The following ARFIP1 variants were observed in gnomAD, a reference collection of about 807,000 sequenced individuals.
ARFIP1 encodes the protein ARF interacting protein 1, also known as arfaptin-1.
In ARFIP1, 24 loss-of-function variants were observed where a neutral mutation model predicts 42.5. The observed-to-expected ratio is 0.57, with a 90% CI of 0.41 to 0.80. The LOEUF (loss-of-function observed/expected upper bound fraction) is 0.80, where lower values mean the gene tolerates loss of function less well. Ranked by LOEUF, ARFIP1 falls within the 30% of genes least tolerant of loss-of-function variation. The pLI, the probability that ARFIP1 is intolerant of heterozygous loss-of-function variation, is 0.00. For missense variants in ARFIP1, 354 were observed against 434.0 expected (o/e 0.82, Z 1.64); for synonymous variants, 141 against 153.7 (o/e 0.92, Z 0.61).
chr4:152,876,270 A>G (rs1735321996), intron 5 of ARFIP1, among the ~76,000 whole-genome samples: 1 of 152,228 alleles, frequency 6.6e-6, no homozygotes, highest in African/African-American at 2.4e-5. Flanking sequence ...GATTTGTTAA[A>G]TGGCTCTGCC....
intron 1 of ARFIP1, among the ~76,000 whole-genome samples, chr4:152,792,433 G>A (rs185701902): frequency 1.2e-4 from 19 of 152,228 alleles, no homozygotes; most frequent in Admixed American, 5.9e-4. Context: ...TCATATTCCA[G>A]TATGATGTGC....
At chr4:152,791,363 A>AT (rs1731138381) in intron 1 of ARFIP1, among the ~76,000 whole-genome samples, 1 of 152,176 alleles carries the variant, frequency 6.6e-6, no homozygotes, top group Admixed American at 6.5e-5. Flanking sequence ...AAGCTTCTAT[A>AT]TTTTGGATAT....
intron 2 of ARFIP1, among the ~76,000 whole-genome samples, chr4:152,849,610 A>T (rs1262246277): frequency 6.6e-6 from 1 of 152,118 alleles, no homozygotes; most frequent in Admixed American, 6.6e-5. Flanking sequence ...TTCTTGTTAA[A>T]TATTGTTGAA....
At chr4:152,886,256 C>T (rs977504184) in intron 7 of ARFIP1, among the ~76,000 whole-genome samples, 3 of 151,996 alleles carry the variant, frequency 2.0e-5, no homozygotes, top group African/African-American at 7.2e-5. Flanking sequence ...TCTTTCTATC[C>T]TGATACAATC....
At chr4:152,828,681 C>G (rs1048676376) in intron 1 of ARFIP1, among the ~76,000 whole-genome samples, 9 of 152,326 alleles carry the variant, frequency 5.9e-5, no homozygotes, top group Non-Finnish European at 1.2e-4. Flanking sequence ...CTTGTCTTCT[C>G]AGTCCTTCAT....
intron 8 of ARFIP1, among the ~76,000 whole-genome samples, chr4:152,899,695 C>T (rs893811290): frequency 1.3e-5 from 2 of 152,120 alleles, no homozygotes; most frequent in Admixed American, 6.5e-5. Context: ...GCCTGCTAGT[C>T]GGTTTTTGCC....
intron 2 of ARFIP1, among the ~76,000 whole-genome samples, chr4:152,830,805 G>A (rs1467032199): frequency 6.6e-6 from 1 of 152,192 alleles, no homozygotes; most frequent in Admixed American, 6.5e-5. Context: ...ATTGCTGAAT[G>A]TCTCCAGGAG....
Position 152,829,650 on chromosome 4 carries a change from CCAAAAATTCAGCAG to C in ARFIP1, c.20_33del (p.Lys7ArgfsTer6), listed in dbSNP as rs1242433673. 1 of 1,611,224 alleles carries C rather than the reference CCAAAAATTCAGCAG, an allele frequency of 6.2e-7. No individual in the cohort carries two copies. The highest frequency in any genetic ancestry group is 8.5e-7 in the Non-Finnish European group (1 of 1,178,320). On this transcript the variant is annotated frameshift_variant, in exon 2 of 9. Transcript: ENST00000353617. LOFTEE classifies it high-confidence loss of function. ...GAGTCTACCATGGCTCAAGAATCTC[CCAAAAATTCAGCAG>C]CAGAAATTCCAGTGACTAGTAATGG...
intron 7 of ARFIP1, 57 bp downstream of exon 7, chr4:152,882,937 A>C: frequency 6.5e-7 from 1 of 1,535,332 alleles, no homozygotes; most frequent in East Asian, 2.3e-5. Context: ...TAATTCAGTT[A>C]ATTTTTTGGT....
chr4:152,842,583 C>T (rs1003309011), intron 2 of ARFIP1, among the ~76,000 whole-genome samples: 1 of 152,108 alleles, frequency 6.6e-6, no homozygotes, highest in African/African-American at 2.4e-5. Context: ...TAATCCCAGA[C>T]TTCTTGGAGG....
intron 2 of ARFIP1, among the ~76,000 whole-genome samples, chr4:152,834,470 G>A (rs990221971): frequency 6.6e-5 from 10 of 152,290 alleles, no homozygotes; most frequent in Non-Finnish European, 1.2e-4. Flanking sequence ...TGGTAGTACC[G>A]GTATTAGGTA....
chr4:152,801,525 T>G (rs1728418739), intron 1 of ARFIP1, among the ~76,000 whole-genome samples: 1 of 152,146 alleles, frequency 6.6e-6, no homozygotes, highest in Non-Finnish European at 1.5e-5. Flanking sequence ...ATTATCCGGA[T>G]TTCACCATAT....
intron 8 of ARFIP1, among the ~76,000 whole-genome samples, chr4:152,901,966 C>A (rs1173196448): frequency 6.6e-6 from 1 of 152,154 alleles, no homozygotes; most frequent in Non-Finnish European, 1.5e-5. Flanking sequence ...TACCACTTTT[C>A]CTTTAAGTGC....
chr4:152,864,745 G>T (rs1350716872), intron 3 of ARFIP1, among the ~76,000 whole-genome samples: 1 of 152,148 alleles, frequency 6.6e-6, no homozygotes, highest in African/African-American at 2.4e-5. Flanking sequence ...TCTGGCAATG[G>T]AGGAAATCCT....
In ARFIP1 at chr4:152,823,776, CAAAAAAAAA is replaced by C. The variant is rs66556811; in HGVS notation, c.-9-5829_-9-5821del. Among the ~76,000 whole-genome samples the C allele has an allele frequency of 6.8e-3, 427 of 63,136 alleles. 2 individuals are homozygous for C. Among genetic ancestry groups the C allele is most frequent in the Middle Eastern group, 0.013 (1 of 80 alleles). The allele number at this position is 63,136 out of a possible 152,430, so 41.4% of individuals were successfully genotyped here. A position where few individuals can be genotyped will look rare whatever the true frequency, so the allele number is the denominator to read the frequency against. On this transcript the variant is annotated intron_variant, in intron 1 of 8. Coordinates refer to ENST00000353617, the MANE Select transcript of ARFIP1 (RefSeq NM_001025595.3). ...TGGGCAACACAGCAAGTCTCCATCT[CAAAAAAAAA>C]AAAAAAAAAAAAAAAAAAAGAATTG...
intron 7 of ARFIP1, among the ~76,000 whole-genome samples, chr4:152,885,242 G>T (rs548148534): frequency 6.6e-6 from 1 of 152,172 alleles, no homozygotes; most frequent in South Asian, 2.1e-4. Flanking sequence ...TAGGGCAAGG[G>T]TCATCTATTT....
chr4:152,829,232 T>C (rs1036111208), intron 1 of ARFIP1, among the ~76,000 whole-genome samples: 2 of 152,234 alleles, frequency 1.3e-5, no homozygotes, highest in Admixed American at 1.3e-4. Flanking sequence ...CTAATTCTAC[T>C]CTGCCCTGTG....
intron 3 of ARFIP1, among the ~76,000 whole-genome samples, chr4:152,868,852 G>A (rs1479816290): frequency 6.6e-6 from 1 of 152,130 alleles, no homozygotes; most frequent in East Asian, 1.9e-4. Flanking sequence ...GTAGATTAGT[G>A]ATTTCTATAT....
chr4:152,803,471 T>G (rs557050777), intron 1 of ARFIP1, among the ~76,000 whole-genome samples: 16 of 152,152 alleles, frequency 1.1e-4, no homozygotes, highest in Non-Finnish European at 2.1e-4. Flanking sequence ...GGCCTCTGCC[T>G]TCAAAATGCC....
Sources: allele counts gnomAD v4.1 joint callset (sites outside exome capture counted in the v4.1 genomes callset), GRCh38; gene constraint gnomAD v4.1.1; transcripts MANE v1.5; gene names NCBI Gene and HGNC (gene_info 2026-07-23, HGNC 2026-07-21).